Variants in GPHN observed in about 807,000 individuals in gnomAD.
GPHN encodes gephyrin.
A neutral mutation model predicts 95.5 loss-of-function variants in GPHN; 17 were observed. The ratio of observed to expected loss-of-function variants is 0.18; its 90% CI spans 0.12 to 0.27. GPHN has a LOEUF of 0.27. GPHN is among the 10% of genes least tolerant of loss of function. The probability of loss-of-function intolerance (pLI) is 1.00; values close to 1 mark genes in which losing one functional copy is unlikely to be tolerated. For missense variants in GPHN, 660 were observed against 978.1 expected, an observed-to-expected ratio of 0.67 and a Z score of 4.34; for synonymous variants, 320 against 322.5, an observed-to-expected ratio of 0.99 and a Z score of 0.08.
chr14:66,804,544 AT>A (rs1463599399), intron 3 of GPHN, among the ~76,000 whole-genome samples: 2 of 152,192 alleles, frequency 1.3e-5, no homozygotes, highest in Non-Finnish European at 2.9e-5. Flanking sequence ...GTTTATTCAA[AT>A]TTTTAAGTTT....
chr14:66,755,411 T>C (rs2058522264), intron 2 of GPHN, among the ~76,000 whole-genome samples: 1 of 152,122 alleles, frequency 6.6e-6, no homozygotes, highest in South Asian at 2.1e-4. Context: ...GCTTTAAGCC[T>C]TATAAAAATG....
chr14:66,911,602 A>C (rs1212038592), intron 5 of GPHN, among the ~76,000 whole-genome samples: 1 of 151,904 alleles, frequency 6.6e-6, no homozygotes, highest in Non-Finnish European at 1.5e-5. Context: ...TGGGATTTTT[A>C]TTGTTATTGT....
At chr14:67,680,705 C>T in the GPHN span, among the ~76,000 whole-genome samples, 152 of 152,248 alleles carry the variant, frequency 1.0e-3, 2 homozygotes, top group Admixed American at 2.5e-3. Context: ...GTAGTTTGCC[C>T]ACCTCAGCCT....
chr14:67,443,169 T>C, the GPHN span, among the ~76,000 whole-genome samples: 527 of 152,030 alleles, frequency 3.5e-3, 4 homozygotes, highest in African/African-American at 0.012. Context: ...TACACTGAGC[T>C]ATGACTGCGC....
At chr14:67,686,847 C>T in the GPHN span, among the ~76,000 whole-genome samples, 4 of 152,082 alleles carry the variant, frequency 2.6e-5, no homozygotes, top group Non-Finnish European at 5.9e-5. Context: ...TGTTTTGCTG[C>T]CAAATGAGTT....
At chr14:67,460,873 T>C in the GPHN span, among the ~76,000 whole-genome samples, 3 of 152,316 alleles carry the variant, frequency 2.0e-5, no homozygotes, top group South Asian at 2.1e-4. Flanking sequence ...CAAAATCCCA[T>C]GGGTTCGGGG....
chr14:67,049,669 C>A (rs953004100), intron 10 of GPHN, among the ~76,000 whole-genome samples: 2 of 152,134 alleles, frequency 1.3e-5, no homozygotes, highest in African/African-American at 4.8e-5. Flanking sequence ...TGCGCCACCA[C>A]GACCAGCTAA....
the GPHN span, chr14:67,586,584 G>A: frequency 3.2e-4 from 156 of 488,914 alleles, no homozygotes; most frequent in South Asian, 1.5e-4. Context: ...TAGTGACTTT[G>A]TTCCTACTCA....
In GPHN at chr14:67,178,452, C is replaced by T. The variant is rs181857191; in HGVS notation, c.2080-1126C>T. ...TCCACTGTTATTTTGATGGGCTTCC[C>T]TTTGTGGGTAATCCGACCTTTCTCT... On this transcript the variant is annotated intron_variant, in intron 21 of 22. Transcript: ENST00000478722. Among the ~76,000 whole-genome samples, 1,480 of 152,242 alleles carry T rather than the reference C, an allele frequency of 9.7e-3. 13 individuals are homozygous for T. The highest frequency in any genetic ancestry group is 0.014 in the Non-Finnish European group (980 of 68,012).
intron 4 of GPHN, among the ~76,000 whole-genome samples, chr14:66,848,364 A>T (rs2062425835): frequency 6.6e-6 from 1 of 152,026 alleles, no homozygotes; most frequent in Non-Finnish European, 1.5e-5. Context: ...TATAAGTTAA[A>T]TTATTTTCTC....
chr14:67,512,727 C>T, the GPHN span, among the ~76,000 whole-genome samples: 2 of 152,108 alleles, frequency 1.3e-5, no homozygotes, highest in African/African-American at 2.4e-5. Flanking sequence ...CGGAGACCCT[C>T]CTCAGAAACT....
chr14:66,574,010 T>A (rs745854856), intron 1 of GPHN, among the ~76,000 whole-genome samples: 3 of 152,220 alleles, frequency 2.0e-5, no homozygotes, highest in Non-Finnish European at 2.9e-5. Context: ...CCATTTACAA[T>A]CAAGGTATGT....
At chr14:67,002,221 C>T (rs1201007131) in intron 9 of GPHN, among the ~76,000 whole-genome samples, 1 of 150,910 alleles carries the variant, frequency 6.6e-6, no homozygotes, top group African/African-American at 2.4e-5. Flanking sequence ...TATAGTAATC[C>T]CATCTTTTAA....
intron 10 of GPHN, among the ~76,000 whole-genome samples, chr14:67,039,985 G>A (rs1484363309): frequency 6.6e-6 from 1 of 151,994 alleles, no homozygotes; most frequent in African/African-American, 2.4e-5. Flanking sequence ...TCCTCAAAGA[G>A]GTGATAATCT....
the GPHN span, among the ~76,000 whole-genome samples, chr14:67,496,390 C>CTTTTT: frequency 1.8e-4 from 5 of 27,630 alleles, no homozygotes; most frequent in Non-Finnish European, 3.4e-4. Context: ...ACTGCTCCGG[C>CTTTTT]GTTTTTTTTT....
chr14:67,071,099 G>A (rs1205942603), intron 11 of GPHN, among the ~76,000 whole-genome samples: 1 of 152,078 alleles, frequency 6.6e-6, no homozygotes, highest in African/African-American at 2.4e-5. Flanking sequence ...TCTAGAACTA[G>A]AAATACCATT....
chr14:67,632,202 A>G, the GPHN span, among the ~76,000 whole-genome samples: 1 of 152,092 alleles, frequency 6.6e-6, no homozygotes. Flanking sequence ...TTTATCTCTA[A>G]TACTTATTTT....
the GPHN span, among the ~76,000 whole-genome samples, chr14:67,285,344 CAGATGG>C: frequency 5.9e-5 from 9 of 151,480 alleles, no homozygotes; most frequent in African/African-American, 2.2e-4. Context: ...GATGCCAATC[CAGATGG>C]AGATTCCTTA....
At chr14:66,984,701 C>T (rs1429030926) in intron 9 of GPHN, among the ~76,000 whole-genome samples, 1 of 152,168 alleles carries the variant, frequency 6.6e-6, no homozygotes, top group Non-Finnish European at 1.5e-5. Flanking sequence ...TTTGGCATCA[C>T]ACTGATATTT....
Sources: gnomAD v4.1 joint callset for allele counts (sites outside exome capture counted in the v4.1 genomes callset) on GRCh38, gnomAD v4.1.1 for gene constraint, MANE v1.5 for transcripts, NCBI Gene and HGNC (gene_info 2026-07-23, HGNC 2026-07-21) for gene names.